GSG1L: variants seen among roughly 807,000 people sequenced by gnomAD.
The protein encoded by GSG1L is germ cell-specific gene 1-like protein.
In GSG1L, 24 loss-of-function variants were observed where a neutral mutation model predicts 42.1. That is an observed-to-expected ratio of 0.57 (90% confidence interval 0.41 to 0.80). The LOEUF (loss-of-function observed/expected upper bound fraction) is 0.80. GSG1L is among the 30% of genes least tolerant of loss of function. The pLI is 0.00. For synonymous variants in GSG1L, 215 were observed against 203.5 expected (o/e 1.06, Z -0.48); for missense variants, 445 against 472.2 (o/e 0.94, Z 0.53).
chr16:27,950,428 C>G (rs2084938117), intron 2 of GSG1L, among the ~76,000 whole-genome samples: 1 of 152,108 alleles, frequency 6.6e-6, no homozygotes, highest in African/African-American at 2.4e-5. Context: ...TCTCCAGGAG[C>G]AATCTTCCAC....
chr16:28,036,778 G>A (rs1262542259), intron 1 of GSG1L, among the ~76,000 whole-genome samples: 2 of 152,128 alleles, frequency 1.3e-5, no homozygotes, highest in African/African-American at 4.8e-5. Context: ...CTGGGGTCAC[G>A]TAGGAGAAAT....
Position 28,059,384 on chromosome 16 carries a change from A to G in GSG1L, c.349+3692T>C, listed in dbSNP as rs1397627667. Among the ~76,000 whole-genome samples, 1 of 149,552 alleles carries G rather than the reference A, an allele frequency of 6.7e-6. No homozygotes were observed. The highest frequency in any genetic ancestry group is 2.5e-5 in the African/African-American group (1 of 40,376). Reference sequence around the variant, plus strand: ...GCATGGGTCTTCTGGCTTCACACCCACCCCGTCACCACCCAGCCCTGGGAC... The same window carrying G: ...GCATGGGTCTTCTGGCTTCACACCCGCCCCGTCACCACCCAGCCCTGGGAC... On this transcript the variant is annotated intron_variant, in intron 1 of 6. Transcript: ENST00000447459. This position sits in a 1 kb window ranked among gnomAD's most constrained non-coding sequence, Gnocchi z 4.4.
At position 27,966,070 on chromosome 16, in the gene GSG1L, G is replaced by A. The variant is rs572659176; in HGVS notation, c.350-2867C>T. ...GGCATTCTCCTGCCTCAGGGCCTTC[G>A]CACTGGCTGCCTCTGCTGCCTGCAG... On this transcript the variant is annotated intron_variant, in intron 1 of 6. Coordinates refer to ENST00000447459, the MANE Select transcript of GSG1L (RefSeq NM_001109763.2). Among the ~76,000 whole-genome samples, 9 of 152,246 alleles carry A rather than the reference G, an allele frequency of 5.9e-5. No individual in the cohort carries two copies. In the East Asian group the frequency reaches 1.3e-3, roughly 23 times the overall value.
At position 28,059,255 on chromosome 16, in the gene GSG1L, G is replaced by A. The variant is rs1465713197; in HGVS notation, c.349+3821C>T. Reference sequence around the variant, plus strand: ...TTCCACCAGTTCTACAGGGGAGAGAGTTTTTGAGTTTGAAGGAAACATGCT... The same window carrying A: ...TTCCACCAGTTCTACAGGGGAGAGAATTTTTGAGTTTGAAGGAAACATGCT... On this transcript the variant is annotated intron_variant, in intron 1 of 6. Coordinates refer to ENST00000447459, the MANE Select transcript of GSG1L (RefSeq NM_001109763.2). This position sits in a 1 kb window ranked among gnomAD's most constrained non-coding sequence, Gnocchi z 4.4. 2.6e-5 allele frequency among the ~76,000 whole-genome samples: 4 copies of A among 152,142 alleles called. No individual in the cohort carries two copies. Among genetic ancestry groups the A allele is most frequent in the Admixed American group, 6.5e-5 (1 of 15,274 alleles).
At chr16:28,032,888 TA>T (rs2085982711) in intron 1 of GSG1L, among the ~76,000 whole-genome samples, 1 of 152,272 alleles carries the variant, frequency 6.6e-6, no homozygotes, top group Middle Eastern at 3.4e-3. Context: ...CCCCACCTGT[TA>T]ACCCTTCAAT....
In GSG1L at chr16:27,828,976, G is replaced by C; in HGVS notation, c.663-20C>G. ...GCCAGGCTGCCAAGAGATCAGGAGA[G>C]AGATGCCATCGTGAGGGTGGGCAAG... On this transcript the variant is annotated intron_variant, in intron 4 of 6. Transcript: ENST00000447459. 6.2e-7 allele frequency: 1 copy of C among 1,611,968 alleles called. No homozygotes were observed.
intron 3 of GSG1L, among the ~76,000 whole-genome samples, chr16:27,855,084 C>T (rs968303124): frequency 6.6e-6 from 1 of 152,080 alleles, no homozygotes. Flanking sequence ...AATAAAATTA[C>T]CCTGGGACAA....
intron 1 of GSG1L, among the ~76,000 whole-genome samples, chr16:28,055,880 T>G (rs2086273137): frequency 6.6e-6 from 1 of 152,090 alleles, no homozygotes; most frequent in African/African-American, 2.4e-5. Flanking sequence ...TGCAGCATCC[T>G]CACAAGACAG....
rs1483350099 is a variant in GSG1L, at chr16:27,963,148, A to T, written c.397+8T>A. 6.2e-7 allele frequency: 1 copy of T among 1,612,434 alleles called. No homozygotes were observed. The highest frequency in any genetic ancestry group is 1.7e-5 in the Admixed American group (1 of 60,006). ...GAGCTGCCACAGCTCAGCTGGGGTC[A>T]CACTCACCTTTCTCCGATGCCGGGG... On this transcript the variant is annotated splice_region_variant and intron_variant, in intron 2 of 6. Coordinates refer to ENST00000447459, the MANE Select transcript of GSG1L (RefSeq NM_001109763.2).
intron 4 of GSG1L, among the ~76,000 whole-genome samples, chr16:27,831,435 T>C (rs1213892393): frequency 1.3e-5 from 2 of 152,234 alleles, no homozygotes; most frequent in African/African-American, 4.8e-5. Flanking sequence ...TCTCCTTTTT[T>C]GCATGAGTTA....
chr16:28,030,150 T>C (rs2085942034), intron 1 of GSG1L, among the ~76,000 whole-genome samples: 1 of 152,148 alleles, frequency 6.6e-6, no homozygotes, highest in African/African-American at 2.4e-5. Context: ...CCAGCATCCC[T>C]CCTCCCCTTG....
chr16:27,978,681 A>G (rs1462752838), intron 1 of GSG1L, among the ~76,000 whole-genome samples: 2 of 111,076 alleles, frequency 1.8e-5, no homozygotes, highest in Non-Finnish European at 3.5e-5. Flanking sequence ...ACAGAGCAAG[A>G]CTCCATCTCA....
At chr16:27,990,082 G>A (rs1321495114) in intron 1 of GSG1L, among the ~76,000 whole-genome samples, 2 of 152,160 alleles carry the variant, frequency 1.3e-5, no homozygotes, top group African/African-American at 4.8e-5. Flanking sequence ...ATGTGTTTAT[G>A]AGGATTGCTA....
chr16:28,007,811 C>T (rs961303063), intron 1 of GSG1L, among the ~76,000 whole-genome samples: 1 of 151,946 alleles, frequency 6.6e-6, no homozygotes, highest in Non-Finnish European at 1.5e-5. Context: ...CCACCATGCC[C>T]AGCCTAAATT....
chr16:27,878,705 G>A (rs1207448197), intron 3 of GSG1L, among the ~76,000 whole-genome samples: 2 of 152,140 alleles, frequency 1.3e-5, no homozygotes, highest in Non-Finnish European at 2.9e-5. Flanking sequence ...CCAAAGTGCT[G>A]GGGTTACAGG....
At chr16:27,903,806 A>AC (rs879742765) in intron 2 of GSG1L, among the ~76,000 whole-genome samples, 5 of 150,328 alleles carry the variant, frequency 3.3e-5, no homozygotes, top group Non-Finnish European at 7.4e-5. Context: ...CAAGACAGAG[A>AC]CCCCCCACCA....
chr16:27,889,610 C>T (rs529324967), intron 2 of GSG1L, among the ~76,000 whole-genome samples: 3 of 152,274 alleles, frequency 2.0e-5, no homozygotes, highest in South Asian at 2.1e-4. Context: ...CTCTTAGCCG[C>T]CATCAATGCA....
chr16:27,840,746 A>G (rs1236614379), intron 4 of GSG1L, among the ~76,000 whole-genome samples: 3 of 152,174 alleles, frequency 2.0e-5, no homozygotes, highest in Non-Finnish European at 4.4e-5. Flanking sequence ...TCATGCAGAT[A>G]CTGTGGTTTC....
At chr16:27,794,508 CT>C (rs757303318) in intron 6 of GSG1L, among the ~76,000 whole-genome samples, 2 of 151,728 alleles carry the variant, frequency 1.3e-5, no homozygotes, top group Non-Finnish European at 2.9e-5. Flanking sequence ...TTTTTTTGTA[CT>C]TTTAGTAGAG....
Sources: gnomAD v4.1 joint callset for allele counts (sites outside exome capture counted in the v4.1 genomes callset) on GRCh38, gnomAD v4.1.1 for gene constraint, Gnocchi (gnomAD v3.1) non-coding constraint, MANE v1.5 for transcripts, NCBI Gene and HGNC (gene_info 2026-07-23, HGNC 2026-07-21) for gene names.